Variants in SMURF1 observed in about 807,000 individuals in gnomAD.
SMURF1 encodes the protein E3 ubiquitin-protein ligase SMURF1.
In SMURF1, 44 loss-of-function variants were observed where a neutral mutation model predicts 98.0. That is an observed-to-expected ratio of 0.45 (90% CI 0.35 to 0.58). SMURF1 has a LOEUF of 0.58. Ranked by LOEUF, SMURF1 falls within the 20% of genes least tolerant of loss-of-function variation. The pLI, the probability that SMURF1 is intolerant of heterozygous loss-of-function variation, is 0.00. For missense variants in SMURF1, 687 were observed against 938.4 expected (o/e 0.73, Z 3.50); for synonymous variants, 396 against 374.9 (o/e 1.06, Z -0.65).
At chr7:99,041,599 G>A (rs932280302) in intron 12 of SMURF1, among the ~76,000 whole-genome samples, 7 of 152,252 alleles carry the variant, frequency 4.6e-5, no homozygotes, top group African/African-American at 1.7e-4. Flanking sequence ...GGCCTGTGCA[G>A]GACGCTGGTG....
Position 99,143,752 on chromosome 7 carries a change from C to T in SMURF1, c.29G>A (p.Gly10Asp). The T allele has an allele frequency of 6.4e-7, 1 of 1,564,374 alleles. No individual in the cohort carries two copies. Among genetic ancestry groups the T allele is most frequent in the Non-Finnish European group, 8.6e-7 (1 of 1,157,762 alleles). Residue 10 changes from glycine to aspartate, a missense_variant, in exon 1 of 18, where the codon GGC becomes GAC. Coordinates refer to ENST00000361368, the MANE Select transcript of SMURF1 (RefSeq NM_181349.3). Reference protein sequence around the residue: MSNPGTRRNGSSIKIRLTVL... With the variant: MSNPGTRRNDSSIKIRLTVL... ...TGTCAGACGGATCTTGATGCTGGAG[C>T]CGTTCCTGCGTGTCCCGGGGTTCGA... is the stretch of plus-strand genomic sequence containing the variant.
intron 1 of SMURF1, among the ~76,000 whole-genome samples, chr7:99,086,665 C>T (rs777859582): frequency 2.0e-5 from 3 of 152,200 alleles, no homozygotes; most frequent in East Asian, 1.9e-4. Flanking sequence ...ACAACCCAAA[C>T]GTCCATCATC....
chr7:99,051,461 T>C lies in SMURF1; in HGVS notation c.722-20A>G, dbSNP rs1234083387. Reference sequence around the variant, plus strand: ...TTTGTTCTACACAAGAAATTAGAGATCCAAATGAGACAAGTTCAATTCCAG... The same window carrying C: ...TTTGTTCTACACAAGAAATTAGAGACCCAAATGAGACAAGTTCAATTCCAG... On this transcript the variant is annotated intron_variant, in intron 7 of 17. Transcript: ENST00000361368. 2 of 1,595,006 alleles carry C rather than the reference T, an allele frequency of 1.3e-6. No homozygotes were observed. Among genetic ancestry groups the C allele is most frequent in the African/African-American group, 2.7e-5 (2 of 74,508 alleles).
chr7:99,100,221 A>G (rs1797045596), intron 1 of SMURF1, among the ~76,000 whole-genome samples: 1 of 152,222 alleles, frequency 6.6e-6, no homozygotes, highest in African/African-American at 2.4e-5. Flanking sequence ...TCTACCTAGT[A>G]AGAAAGTAAG....
At chr7:99,056,570 G>T (rs1455369843) in intron 5 of SMURF1, among the ~76,000 whole-genome samples, 1 of 152,138 alleles carries the variant, frequency 6.6e-6, no homozygotes, top group Non-Finnish European at 1.5e-5. Flanking sequence ...TCCTGTATGT[G>T]TGGCCACCAT....
chr7:99,048,085 T>C (rs2150522059), intron 9 of SMURF1: 2 of 573,468 alleles, frequency 3.5e-6, no homozygotes. Flanking sequence ...ATGTCTACAG[T>C]ACCATAAAGG....
intron 1 of SMURF1, among the ~76,000 whole-genome samples, chr7:99,128,922 A>C (rs1797801857): frequency 1.3e-5 from 2 of 152,256 alleles, no homozygotes; most frequent in South Asian, 4.1e-4. Context: ...CCATTATTTA[A>C]GCCTACAGAA....
intron 1 of SMURF1, among the ~76,000 whole-genome samples, chr7:99,091,002 C>G (rs994342702): frequency 1.3e-5 from 2 of 152,210 alleles, no homozygotes; most frequent in Admixed American, 1.3e-4. Flanking sequence ...CCACACTAAT[C>G]AGTTTACTCA....
chr7:99,042,699 A>G (rs1249273448), intron 11 of SMURF1, among the ~76,000 whole-genome samples: 1 of 152,258 alleles, frequency 6.6e-6, no homozygotes, highest in African/African-American at 2.4e-5. Flanking sequence ...TTCAGTGGCT[A>G]CACTCAGGTT....
At chr7:99,117,878 A>G (rs959863884) in intron 1 of SMURF1, among the ~76,000 whole-genome samples, 3 of 151,752 alleles carry the variant, frequency 2.0e-5, no homozygotes, top group African/African-American at 4.8e-5. Context: ...TCAGGAGTTC[A>G]AGACCAGCCT....
intron 13 of SMURF1, among the ~76,000 whole-genome samples, 178 bp downstream of exon 13, chr7:99,040,200 T>C (rs1186224168): frequency 6.6e-6 from 1 of 151,028 alleles, no homozygotes; most frequent in East Asian, 1.9e-4. Flanking sequence ...CTGGACTGAA[T>C]TGATCTGCCC....
chr7:99,072,724 T>C (rs1326042149), intron 1 of SMURF1, among the ~76,000 whole-genome samples: 1 of 152,194 alleles, frequency 6.6e-6, no homozygotes, highest in African/African-American at 2.4e-5. Context: ...CACGTGGCTA[T>C]GAAAACCCCA....
At chr7:99,117,435 G>A (rs1032739514) in intron 1 of SMURF1, among the ~76,000 whole-genome samples, 2 of 151,906 alleles carry the variant, frequency 1.3e-5, no homozygotes, top group African/African-American at 2.4e-5. Context: ...TGCAACCTCC[G>A]CCTCCTGGGT....
At chr7:99,031,976 G>A (rs534684618) in intron 17 of SMURF1, among the ~76,000 whole-genome samples, 1 of 152,290 alleles carries the variant, frequency 6.6e-6, no homozygotes, top group South Asian at 2.1e-4. Flanking sequence ...ATGGAGACTC[G>A]TTTTTAAGTT....
chr7:99,116,193 C>T (rs1441870497), intron 1 of SMURF1, among the ~76,000 whole-genome samples: 2 of 151,960 alleles, frequency 1.3e-5, no homozygotes, highest in African/African-American at 2.4e-5. Flanking sequence ...ACAATATCAT[C>T]CAAATTGATG....
intron 1 of SMURF1, among the ~76,000 whole-genome samples, chr7:99,077,494 G>A (rs755328351): frequency 1.6e-4 from 25 of 151,616 alleles, no homozygotes; most frequent in Non-Finnish European, 3.4e-4. Flanking sequence ...CACCACACCC[G>A]GCTAACTTTT....
rs1214910184 is a variant in SMURF1 at position 99,040,291 on chromosome 7, ACACG to A, written c.1550+83_1550+86del. 2.9e-4 allele frequency: 359 copies of A among 1,254,958 alleles called. 2 individuals are homozygous for A. In the African/African-American group the frequency reaches 5.9e-3, roughly 21 times the overall value. 77.7% of individuals were successfully genotyped at this position (1,254,958 alleles called of 1,614,324 possible). A position where few individuals can be genotyped will look rare whatever the true frequency, so the allele number is the denominator to read the frequency against. On this transcript the variant is annotated intron_variant, in intron 13 of 17. Coordinates refer to ENST00000361368, the MANE Select transcript of SMURF1 (RefSeq NM_181349.3). ...TCACACACATCCCCAAAATACACAC[ACACG>A]CGCGCGCGCGCGCACGCGCATACAT...
rs1794787797 is a variant in SMURF1, at chr7:99,028,877, TG to T, written c.*1706del. 6.6e-6 allele frequency: 1 copy of T among 152,250 alleles called. No individual in the cohort carries two copies. Among genetic ancestry groups the T allele is most frequent in the Non-Finnish European group, 1.5e-5 (1 of 68,076 alleles). The allele number at this position is 152,250 out of a possible 1,614,324, so 9.4% of individuals were successfully genotyped here. On this transcript the variant is annotated 3_prime_UTR_variant, in exon 18 of 18. Coordinates refer to ENST00000361368, the MANE Select transcript of SMURF1 (RefSeq NM_181349.3). ...AGAGGAAGATGATGCAAGGAAAGGC[TG>T]GATACAGCCACTGGGGAACGGGCTT... is the stretch of plus-strand genomic sequence containing the variant.
intron 1 of SMURF1, among the ~76,000 whole-genome samples, chr7:99,142,908 G>C (rs1355395070): frequency 7.0e-6 from 1 of 141,932 alleles, no homozygotes; most frequent in Admixed American, 7.0e-5. Context: ...TGGGCGGAGA[G>C]GATGGGAAGC....
Sources: gnomAD v4.1 joint callset for allele counts (sites outside exome capture counted in the v4.1 genomes callset) on GRCh38, gnomAD v4.1.1 for gene constraint, MANE v1.5 for transcripts, NCBI Gene and HGNC (gene_info 2026-07-23, HGNC 2026-07-21) for gene names.